The following KRT14 variants were observed in gnomAD, a reference collection of about 807,000 sequenced individuals.
KRT14 encodes the protein keratin 14.
KRT14 carries 30 observed loss-of-function variants against 44.5 expected under a neutral mutation model. That is an observed-to-expected ratio of 0.67 (90% CI 0.50 to 0.92). KRT14 has a LOEUF of 0.92. Ranked by LOEUF, KRT14 falls within the 40% of genes least tolerant of loss-of-function variation. KRT14 has a pLI of 0.00. For missense variants in KRT14, 535 were observed against 640.6 expected (o/e 0.84, Z 1.78); for synonymous variants, 241 against 257.6 (o/e 0.94, Z 0.62).
chr17:41,585,381 T>C (rs1907494624), intron 1 of KRT14, among the ~76,000 whole-genome samples: 1 of 152,156 alleles, frequency 6.6e-6, no homozygotes, highest in South Asian at 2.1e-4. Context: ...GTGAGGAGAA[T>C]AATCTGAGGC....
intron 3 of KRT14, 114 bp from the exon 4 acceptor site, chr17:41,584,035 C>T: frequency 1.5e-6 from 1 of 661,358 alleles, no homozygotes; most frequent in Non-Finnish European, 2.4e-6. Context: ...ACTCTCCCTT[C>T]TCTCTCTCTC....
At chr17:41,584,051 ATC>A (rs200977988) in intron 3 of KRT14, 130 bp from the exon 4 acceptor site, 821 of 430,970 alleles carry the variant, frequency 1.9e-3, no homozygotes, top group South Asian at 3.2e-3. Flanking sequence ...CTCTCTCTCA[ATC>A]TCTCTCTCTC....
At position 41,583,583 on chromosome 17, in the gene KRT14, G is replaced by A. The variant is rs761956765; in HGVS notation, c.1021C>T (p.Leu341=). 12 of 1,614,202 alleles carry A rather than the reference G, an allele frequency of 7.4e-6. No individual in the cohort carries two copies. The East Asian group carries it at 2.7e-4, about 36-fold the overall frequency. ...AGCTGGGACTGCAGCTCAATCTCCA[G>A]GTTCTGCATGGTGCGCCGGAGCTCC... The part of the protein sequence containing the change: ...ISELRRTMQN[L]EIELQSQLSM... Residue 341 remains leucine, a synonymous_variant, in exon 5 of 8, where the codon CTG becomes TTG. Coordinates refer to ENST00000167586, the MANE Select transcript of KRT14 (RefSeq NM_000526.5).
intron 1 of KRT14, 86 bp from the exon 2 acceptor site, chr17:41,585,143 A>G: frequency 2.9e-6 from 3 of 1,051,566 alleles, no homozygotes. Flanking sequence ...CTCTTGCTTC[A>G]TGTTCTTGCC....
Position 41,586,773 on chromosome 17 carries a change from C to T in KRT14, c.62G>A (p.Gly21Glu), listed in dbSNP as rs1215846581. 1 of 1,585,306 alleles carries T rather than the reference C, an allele frequency of 6.3e-7. No homozygotes were observed. The highest frequency in any genetic ancestry group is 1.8e-5 in the Admixed American group (1 of 55,932). ...GCTGGAGCCGCCCCCGATGCCGCCCCCGATGCCGCAGGAGCCCTTCATGGA... is the reference window on the plus strand; with the variant it reads ...GCTGGAGCCGCCCCCGATGCCGCCCTCGATGCCGCAGGAGCCCTTCATGGA... ...SSSMKGSCGI[G>E]GGIGGGSSRI... Residue 21 changes from glycine (G) to glutamate (E), a missense_variant, in exon 1 of 8, where the codon GGG becomes GAG. Transcript: ENST00000167586.
chr17:41,582,658 C>T, intron 7 of KRT14, 126 bp from the exon 8 acceptor site: 1 of 751,178 alleles, frequency 1.3e-6, no homozygotes, highest in East Asian at 2.7e-5. Flanking sequence ...CTGATTACTG[C>T]TTCACTCCCT....
In KRT14 at chr17:41,583,969, G is replaced by A. The variant is rs189984216; in HGVS notation, c.766-48C>T. ...CAGTCAGGAGTTCCACCATGGCAGC[G>A]GATTGGTGTTCCTTAGGCCTGAATA... On this transcript the variant is annotated intron_variant, in intron 3 of 7. Coordinates refer to ENST00000167586, the MANE Select transcript of KRT14 (RefSeq NM_000526.5). 3.5e-5 allele frequency: 57 copies of A among 1,609,538 alleles called. No individual in the cohort carries two copies. In the African/African-American group the frequency reaches 6.0e-4, roughly 17 times the overall value.
At chr17:41,586,197 T>G in intron 1 of KRT14, 113 bp downstream of exon 1, 1 of 1,378,056 alleles carries the variant, frequency 7.3e-7, no homozygotes, top group East Asian at 2.3e-5. Context: ...AAAGAAGGGA[T>G]CTGGGGTGGA....
intron 7 of KRT14, 114 bp downstream of exon 7, chr17:41,582,980 C>A (rs1907381387): frequency 1.9e-6 from 2 of 1,037,828 alleles, no homozygotes; most frequent in African/African-American, 1.6e-5. Context: ...ACAAGGGAAA[C>A]TGGGTGACAG....
Position 41,586,725 on chromosome 17 carries a change from C to G in KRT14, c.110G>C (p.Gly37Ala). ...GSSRISSVLA[G>A]GSCRAPSTYG... ...GGTGCTGGGGGCGCGGCAGGACCCT[C>G]CGGCCAGGACGGAGGAGATGCGGCT... Residue 37 changes from glycine (G) to alanine (A), a missense_variant, in exon 1 of 8, where the codon GGA becomes GCA. Gly to Ala is a moderately conservative substitution (Grantham distance 60, BLOSUM62 0). Coordinates refer to ENST00000167586, the MANE Select transcript of KRT14 (RefSeq NM_000526.5). 6.3e-7 allele frequency: 1 copy of G among 1,587,486 alleles called. No homozygotes were observed. Among genetic ancestry groups the G allele is most frequent in the Non-Finnish European group, 8.6e-7 (1 of 1,167,686 alleles).
At position 41,586,593 on chromosome 17, in the gene KRT14, C is replaced by A; in HGVS notation, c.242G>T (p.Gly81Val). ...GGFSSSSSSF[G>V]SGFGGGYGGG... ...ACCATATCCTCCCCCAAAGCCACTA[C>A]CAAAGCTGCTGCTGCTGCTGCTGAA... Residue 81 changes from glycine (G) to valine (V), a missense_variant, in exon 1 of 8, where the codon GGT becomes GTT. Coordinates refer to ENST00000167586, the MANE Select transcript of KRT14 (RefSeq NM_000526.5). 6.2e-7 allele frequency: 1 copy of A among 1,613,924 alleles called. No individual in the cohort carries two copies. The highest frequency in any genetic ancestry group is 8.5e-7 in the Non-Finnish European group (1 of 1,179,866).
chr17:41,584,014 AT>A, intron 3 of KRT14, 93 bp from the exon 4 acceptor site: 1 of 1,304,298 alleles, frequency 7.7e-7, no homozygotes, highest in East Asian at 2.5e-5. Context: ...CACCATCACA[AT>A]TCTATCTCGA....
Position 41,586,305 on chromosome 17 carries a change from C to G in KRT14, c.525+5G>C. The G allele has an allele frequency of 6.2e-7, 1 of 1,612,116 alleles. No individual in the cohort carries two copies. Among genetic ancestry groups the G allele is most frequent in the East Asian group, 2.2e-5 (1 of 44,888 alleles). ...AATGGTGCCTTCTGCTGCCCATTCA[C>G]CCACCTTGTTCCTCAGGTCCTCAAT... On this transcript the variant is annotated splice_donor_5th_base_variant and intron_variant, in intron 1 of 7. Transcript: ENST00000167586.
In KRT14 at chr17:41,586,859, G is replaced by A; in HGVS notation, c.-25C>T. The A allele has an allele frequency of 1.3e-6, 2 of 1,562,390 alleles. No homozygotes were observed. Among genetic ancestry groups the A allele is most frequent in the South Asian group, 1.2e-5 (1 of 85,960 alleles). On this transcript the variant is annotated 5_prime_UTR_variant, in exon 1 of 8. Transcript: ENST00000167586. ...TGGTGCAGAGGAGGGAGGTGAGCGA[G>A]CGAGCAGTTGGCTGAGTGAAGAGAA... is the stretch of plus-strand genomic sequence containing the variant.
chr17:41,586,895 T>C lies in KRT14; in HGVS notation c.-61A>G. The C allele has an allele frequency of 1.3e-6, 2 of 1,531,094 alleles. No homozygotes were observed. The highest frequency in any genetic ancestry group is 1.2e-5 in the South Asian group (1 of 83,914). 94.8% of individuals were successfully genotyped at this position (1,531,094 alleles called of 1,614,324 possible). Reference sequence around the variant, plus strand: ...GCTGAGTGAAGAGAAGGTGCTCGGGTAAATTGGAAAGGGATGCGAGTGCTT... The same window carrying C: ...GCTGAGTGAAGAGAAGGTGCTCGGGCAAATTGGAAAGGGATGCGAGTGCTT... On this transcript the variant is annotated 5_prime_UTR_variant, in exon 1 of 8. Transcript: ENST00000167586.
rs144446054 is a variant in KRT14, at chr17:41,586,448, G to A, written c.387C>T (p.Tyr129=). 16 of 1,614,022 alleles carry A rather than the reference G, an allele frequency of 9.9e-6. No homozygotes were observed. The African/African-American group carries it at 2.0e-4, about 20-fold the overall frequency. ...CCTCCAGAGCACGCACCTTGTCCAG[G>A]TAGGAGGCCAGGCGGTCATTGAGGT... ...MQNLNDRLAS[Y]LDKVRALEEA... Residue 129 remains tyrosine (Y), a synonymous_variant, in exon 1 of 8, where the codon TAC becomes TAT. Transcript: ENST00000167586.
At chr17:41,584,763 T>C (rs1907471566) in intron 2 of KRT14, among the ~76,000 whole-genome samples, 1 of 152,204 alleles carries the variant, frequency 6.6e-6, no homozygotes, top group Non-Finnish European at 1.5e-5. Context: ...TTCTGAAACC[T>C]GGCTGTGGAC....
chr17:41,582,882 A>G, intron 7 of KRT14: 1 of 626,752 alleles, frequency 1.6e-6, no homozygotes, highest in Non-Finnish European at 2.9e-6. Context: ...GATCTGCCAC[A>G]GACACCACGT....
intron 3 of KRT14, 148 bp from the exon 4 acceptor site, chr17:41,584,069 C>CTTTTTTTTTTTTTTTTTTTTTTTTTT: frequency 9.9e-6 from 3 of 304,052 alleles, no homozygotes; most frequent in Admixed American, 5.6e-5. Context: ...CTCTCTCTCT[C>CTTTTTTTTTTTTTTTTTTTTTTTTTT]TTTTTTTTTT....
Sources: gnomAD v4.1 joint callset for allele counts (sites outside exome capture counted in the v4.1 genomes callset) on GRCh38, gnomAD v4.1.1 for gene constraint, MANE v1.5 for transcripts, NCBI Gene and HGNC (gene_info 2026-07-23, HGNC 2026-07-21) for gene names.